The following PNPLA8 variants were observed in gnomAD, a reference collection of about 807,000 sequenced individuals.
PNPLA8 encodes the protein calcium-independent phospholipase A2-gamma.
In PNPLA8, 39 loss-of-function variants were observed where a neutral mutation model predicts 76.9. The ratio of observed to expected loss-of-function variants is 0.51; its 90% CI spans 0.39 to 0.66. The LOEUF is 0.66. PNPLA8 is among the 30% of genes least tolerant of loss of function. The pLI, the probability that PNPLA8 is intolerant of heterozygous loss-of-function variation, is 0.00. For missense variants in PNPLA8, 887 were observed against 918.0 expected, an observed-to-expected ratio of 0.97 and a Z score of 0.44; for synonymous variants, 301 against 307.9, an observed-to-expected ratio of 0.98 and a Z score of 0.24.
rs184329816 is a variant in PNPLA8 at position 108,511,186 on chromosome 7, G to A, written c.1206+2958C>T. ...TGAAGGAAGGCTCTTCTTTACAGAA[G>A]AATGTCAATTATAATGTAGGAGTAA... is the stretch of plus-strand genomic sequence containing the variant. On this transcript the variant is annotated intron_variant, in intron 4 of 10. Coordinates refer to ENST00000257694, the MANE Select transcript of PNPLA8 (RefSeq NM_001256007.3). Among the ~76,000 whole-genome samples the A allele has an allele frequency of 1.4e-4, 21 of 152,226 alleles. 1 individual carries two copies. The highest frequency in any genetic ancestry group is 3.3e-4 in the Admixed American group (5 of 15,282).
intron 10 of PNPLA8, among the ~76,000 whole-genome samples, chr7:108,478,927 T>C (rs1860189801): frequency 6.6e-6 from 1 of 152,244 alleles, no homozygotes; most frequent in African/African-American, 2.4e-5. Flanking sequence ...TGTTGTGCTA[T>C]CCAGCTTTAG....
chr7:108,513,620 A>G (rs1304381449), intron 4 of PNPLA8, among the ~76,000 whole-genome samples: 1 of 152,126 alleles, frequency 6.6e-6, no homozygotes, highest in African/African-American at 2.4e-5. Context: ...CTCTGAAAAC[A>G]GTCCATTTAA....
At chr7:108,476,967 T>C (rs1343667378) in intron 10 of PNPLA8, among the ~76,000 whole-genome samples, 4 of 152,114 alleles carry the variant, frequency 2.6e-5, no homozygotes, top group African/African-American at 7.2e-5. Context: ...AGAATGGTGG[T>C]TGCCAGACAC....
rs545942085 is a variant in PNPLA8, at chr7:108,511,437, T to C, written c.1206+2707A>G. The stretch of plus-strand genomic sequence containing the variant: ...ATGAGGCACATGACATTACCTACAA[T>C]GTGCTCTAACAACAAAATGTTTAAC... On this transcript the variant is annotated intron_variant, in intron 4 of 10. Transcript: ENST00000257694. Among the ~76,000 whole-genome samples, 3 of 152,318 alleles carry C rather than the reference T, an allele frequency of 2.0e-5. No homozygotes were observed. The South Asian group carries it at 6.2e-4, about 32-fold the overall frequency.
At chr7:108,491,089 G>A (rs1319926757) in intron 8 of PNPLA8, among the ~76,000 whole-genome samples, 2 of 152,102 alleles carry the variant, frequency 1.3e-5, no homozygotes, top group Non-Finnish European at 2.9e-5. Flanking sequence ...CAGATCACCT[G>A]AGTTTGGGAG....
chr7:108,518,440 A>G (rs1863495001), intron 2 of PNPLA8: 1 of 152,090 alleles, frequency 6.6e-6, no homozygotes, highest in African/African-American at 2.4e-5. Context: ...ATATAATTAT[A>G]CATTTGTTCA....
At chr7:108,518,948 T>C (rs1051986131) in intron 2 of PNPLA8, among the ~76,000 whole-genome samples, 1 of 151,576 alleles carries the variant, frequency 6.6e-6, no homozygotes, top group Non-Finnish European at 1.5e-5. Flanking sequence ...ACTTTTCTAG[T>C]GTCTGAATTA....
Position 108,479,249 on chromosome 7 carries a change from G to A in PNPLA8, c.2009C>T (p.Thr670Met), listed in dbSNP as rs778206359. The change falls in exon 10 of 11, where the codon ACG (threonine) becomes ATG (methionine). Residue 670 changes from threonine to methionine, a missense_variant. Coordinates refer to ENST00000257694, the MANE Select transcript of PNPLA8 (RefSeq NM_001256007.3). ...AGTTTTCAAGCTTGTGTATGTTACC[G>A]TGTTTCTCACATCACTCTCATAACG... ...TGRYESDVRNTVTYTSLKTKL... is the reference protein window; with the variant it reads ...TGRYESDVRNMVTYTSLKTKL... 4.1e-5 allele frequency: 66 copies of A among 1,612,992 alleles called. 1 individual carries two copies. Among genetic ancestry groups the A allele is most frequent in the Non-Finnish European group, 4.7e-5 (56 of 1,179,116 alleles).
chr7:108,509,103 G>C (rs1218558914), intron 4 of PNPLA8, among the ~76,000 whole-genome samples: 1 of 111,736 alleles, frequency 8.9e-6, no homozygotes, highest in Non-Finnish European at 1.9e-5. Flanking sequence ...TACAATTCAG[G>C]ACATAGGCAT....
chr7:108,507,732 T>G (rs1862563714), intron 4 of PNPLA8, among the ~76,000 whole-genome samples: 1 of 152,142 alleles, frequency 6.6e-6, no homozygotes, highest in Non-Finnish European at 1.5e-5. Context: ...ATTTAATCAC[T>G]GAGGCAGCTA....
At chr7:108,481,725 A>T (rs889317718) in intron 9 of PNPLA8, among the ~76,000 whole-genome samples, 10 of 152,174 alleles carry the variant, frequency 6.6e-5, no homozygotes, top group African/African-American at 2.2e-4. Flanking sequence ...ATGTATGATG[A>T]TTTCAGTATA....
chr7:108,526,221 G>T, upstream of PNPLA8: 1 of 387,518 alleles, frequency 2.6e-6, no homozygotes, highest in Non-Finnish European at 3.5e-6. Flanking sequence ...GGGTCTACCC[G>T]CGGGCCGGGG....
At chr7:108,473,213 A>G (rs1053872229) in intron 10 of PNPLA8, among the ~76,000 whole-genome samples, 1 of 152,228 alleles carries the variant, frequency 6.6e-6, no homozygotes, top group Non-Finnish European at 1.5e-5. Flanking sequence ...TTTTATGGAC[A>G]AAATACTTTT....
intron 7 of PNPLA8, among the ~76,000 whole-genome samples, chr7:108,495,933 T>C (rs1861515905): frequency 6.6e-6 from 1 of 152,232 alleles, no homozygotes; most frequent in Non-Finnish European, 1.5e-5. Flanking sequence ...TAGAAGGAGA[T>C]ATATTAAAGT....
chr7:108,477,056 T>C (rs1047419847), intron 10 of PNPLA8, among the ~76,000 whole-genome samples: 1 of 152,202 alleles, frequency 6.6e-6, no homozygotes, highest in African/African-American at 2.4e-5. Flanking sequence ...AGATCTGACG[T>C]ACAGCATGGT....
At chr7:108,511,343 C>T (rs1025147593) in intron 4 of PNPLA8, among the ~76,000 whole-genome samples, 8 of 152,118 alleles carry the variant, frequency 5.3e-5, no homozygotes, top group Non-Finnish European at 8.8e-5. Flanking sequence ...CACTTTAACA[C>T]GGTGGTCATC....
chr7:108,496,814 A>G (rs1303118669), intron 6 of PNPLA8, 59 bp from the exon 7 acceptor site: 11 of 1,286,928 alleles, frequency 8.5e-6, no homozygotes, highest in Admixed American at 2.5e-5. Context: ...ATGATGTAAG[A>G]TTTCCTGAAT....
chr7:108,481,341 C>A (rs1029546044), intron 9 of PNPLA8, among the ~76,000 whole-genome samples: 1 of 152,194 alleles, frequency 6.6e-6, no homozygotes, highest in Non-Finnish European at 1.5e-5. Flanking sequence ...TCTAAAAGTT[C>A]CAGTTGCTCT....
In PNPLA8 at chr7:108,515,468, A is replaced by C; in HGVS notation, c.24T>G (p.Asp8Glu). The C allele has an allele frequency of 1.3e-6, 2 of 1,520,418 alleles. No individual in the cohort carries two copies. Among genetic ancestry groups the C allele is most frequent in the Non-Finnish European group, 1.8e-6 (2 of 1,132,304 alleles). 94.2% of individuals were successfully genotyped at this position (1,520,418 alleles called of 1,614,324 possible). A position where few individuals can be genotyped will look rare whatever the true frequency, so the allele number is the denominator to read the frequency against. ...CATTACTAAGGAGGTAAATATATAT[A>C]TCTACAGTCAGATTAATAGACATAA... MSINLTV[D>E]IYIYLLSNAR... is the part of the protein sequence containing the mutation. The change falls in exon 3 of 11, where the codon GAT (aspartate) becomes GAG (glutamate). Residue 8 changes from aspartate to glutamate, a missense_variant. Coordinates refer to ENST00000257694, the MANE Select transcript of PNPLA8 (RefSeq NM_001256007.3).
Sources: allele counts gnomAD v4.1 joint callset (sites outside exome capture counted in the v4.1 genomes callset), GRCh38; gene constraint gnomAD v4.1.1; transcripts MANE v1.5; gene names NCBI Gene and HGNC (gene_info 2026-07-23, HGNC 2026-07-21).